ATF7IP2: variants seen among roughly 807,000 people sequenced by gnomAD.
The protein encoded by ATF7IP2 is activating transcription factor 7 interacting protein 2, also known as activating transcription factor 7-interacting protein 2.
ATF7IP2 carries 42 observed loss-of-function variants against 64.2 expected under a neutral mutation model. That is an observed-to-expected ratio of 0.65 (90% CI 0.51 to 0.85). ATF7IP2 has a LOEUF of 0.85. Among genes scored for constraint, ATF7IP2 ranks in the 40% least tolerant of loss-of-function variants. ATF7IP2 has a pLI of 0.00. For missense variants in ATF7IP2, 933 were observed against 784.2 expected, an observed-to-expected ratio of 1.19 and a Z score of -2.27; for synonymous variants, 308 against 272.8, an observed-to-expected ratio of 1.13 and a Z score of -1.27.
intron 6 of ATF7IP2, among the ~76,000 whole-genome samples, chr16:10,434,476 A>G (rs1031431289): frequency 2.0e-5 from 3 of 152,344 alleles, no homozygotes; most frequent in Non-Finnish European, 4.4e-5. Flanking sequence ...TTTTTAAAAC[A>G]GACCATTACA....
intron 8 of ATF7IP2, among the ~76,000 whole-genome samples, chr16:10,455,390 C>T (rs2049131738): frequency 6.6e-6 from 1 of 152,220 alleles, no homozygotes; most frequent in African/African-American, 2.4e-5. Context: ...TCCAGAAACG[C>T]AGGCAGCCTC....
intron 6 of ATF7IP2, among the ~76,000 whole-genome samples, chr16:10,434,976 G>A (rs2048372838): frequency 6.6e-6 from 1 of 152,076 alleles, no homozygotes; most frequent in Non-Finnish European, 1.5e-5. Context: ...TACCATGTTG[G>A]CCAGGCTGGT....
At chr16:10,403,745 C>G (rs953744073) in intron 1 of ATF7IP2, among the ~76,000 whole-genome samples, 2 of 151,874 alleles carry the variant, frequency 1.3e-5, no homozygotes, top group African/African-American at 2.4e-5. Flanking sequence ...AGAAATTTAC[C>G]AAGGAAATAG....
intron 9 of ATF7IP2, among the ~76,000 whole-genome samples, chr16:10,458,389 G>A (rs151065608): frequency 2.0e-5 from 3 of 152,360 alleles, no homozygotes; most frequent in African/African-American, 7.2e-5. Flanking sequence ...AAAAGTGCTA[G>A]TGATGGAAGT....
At chr16:10,461,470 A>G in intron 9 of ATF7IP2, among the ~76,000 whole-genome samples, 1 of 152,130 alleles carries the variant, frequency 6.6e-6, no homozygotes, top group East Asian at 1.9e-4. Flanking sequence ...TACAGTTGAA[A>G]AAGAAATTAC....
chr16:10,392,348 T>G (rs1302796584), intron 1 of ATF7IP2, among the ~76,000 whole-genome samples: 1 of 151,640 alleles, frequency 6.6e-6, no homozygotes, highest in Admixed American at 6.6e-5. Flanking sequence ...CTTTTTTTTT[T>G]TTTTTTAAAC....
chr16:10,439,989 C>T (rs887437487), intron 7 of ATF7IP2, among the ~76,000 whole-genome samples: 4 of 151,552 alleles, frequency 2.6e-5, no homozygotes, highest in African/African-American at 7.3e-5. Context: ...GGAGAAACCC[C>T]GTCACTACTA....
At chr16:10,445,731 TC>T (rs769884927) in intron 8 of ATF7IP2, 4 of 152,296 alleles carry the variant, frequency 2.6e-5, no homozygotes, top group Non-Finnish European at 5.9e-5. Flanking sequence ...GGTCTCGAAC[TC>T]CCGACCTCAG....
chr16:10,447,952 C>T (rs143359955), intron 8 of ATF7IP2: 8 of 152,076 alleles, frequency 5.3e-5, no homozygotes, highest in Non-Finnish European at 7.4e-5. Context: ...TTTTGTATAA[C>T]GTGTAAGGAA....
chr16:10,413,105 G>T (rs564762059), intron 1 of ATF7IP2, among the ~76,000 whole-genome samples: 1 of 152,052 alleles, frequency 6.6e-6, no homozygotes, highest in Admixed American at 6.6e-5. Context: ...TTGTGAATTC[G>T]TATCCATTCT....
chr16:10,453,164 G>A (rs1343123223), intron 8 of ATF7IP2, among the ~76,000 whole-genome samples: 2 of 152,162 alleles, frequency 1.3e-5, no homozygotes, highest in African/African-American at 2.4e-5. Flanking sequence ...CTAACTCAGT[G>A]TCTGCCCTAA....
Position 10,481,828 on chromosome 16 carries a change from G to A in ATF7IP2, c.1636-8G>A. The A allele has an allele frequency of 6.4e-7, 1 of 1,558,392 alleles. No individual in the cohort carries two copies. Among genetic ancestry groups the A allele is most frequent in the Non-Finnish European group, 8.6e-7 (1 of 1,158,626 alleles). Reference sequence around the variant, plus strand: ...AAAAGCTATATTTTCTTACAATTGTGTTTTTAGGTTCCTGAGTCCTTTGAG... The same window carrying A: ...AAAAGCTATATTTTCTTACAATTGTATTTTTAGGTTCCTGAGTCCTTTGAG... On this transcript the variant is annotated splice_region_variant and splice_polypyrimidine_tract_variant and intron_variant, in intron 13 of 13. Transcript: ENST00000562102.
intron 8 of ATF7IP2, among the ~76,000 whole-genome samples, chr16:10,441,060 G>C (rs913347443): frequency 6.6e-6 from 1 of 152,176 alleles, no homozygotes; most frequent in Non-Finnish European, 1.5e-5. Flanking sequence ...CTTCATCCAT[G>C]TCGCTGCAAA....
At chr16:10,393,748 T>A (rs970012032) in intron 1 of ATF7IP2, among the ~76,000 whole-genome samples, 1 of 152,192 alleles carries the variant, frequency 6.6e-6, no homozygotes, top group African/African-American at 2.4e-5. Context: ...AGCATCTGTA[T>A]GTCAATAGTA....
chr16:10,400,003 G>A (rs936458882), intron 1 of ATF7IP2, among the ~76,000 whole-genome samples: 1 of 152,068 alleles, frequency 6.6e-6, no homozygotes, highest in African/African-American at 2.4e-5. Flanking sequence ...TGTTATTGGT[G>A]TATAGAAATG....
chr16:10,423,574 AT>A (rs2048028385), intron 3 of ATF7IP2, among the ~76,000 whole-genome samples: 1 of 152,158 alleles, frequency 6.6e-6, no homozygotes, highest in Admixed American at 6.5e-5. Flanking sequence ...TTACTGGGGC[AT>A]CTACTTTTCA....
At chr16:10,446,864 G>C (rs925866063) in intron 8 of ATF7IP2, 10 of 152,112 alleles carry the variant, frequency 6.6e-5, no homozygotes, top group African/African-American at 2.4e-4. Flanking sequence ...ACTATTGGAA[G>C]TTTGTGTGAG....
chr16:10,481,854 C>G lies in ATF7IP2; in HGVS notation c.1654C>G (p.His552Asp), dbSNP rs772824096. The change falls in exon 14 of 14, where the codon CAC (histidine) becomes GAC (aspartate). Residue 552 changes from histidine (H) to aspartate (D), a missense_variant. His to Asp is a moderately conservative substitution (Grantham distance 81). Coordinates refer to ENST00000562102, the MANE Select transcript of ATF7IP2 (RefSeq NM_001393719.1). Reference sequence around the variant, plus strand: ...TTTTTAGGTTCCTGAGTCCTTTGAGCACCTGCCACCTCTCCCAGAACCACC... The same window carrying G: ...TTTTTAGGTTCCTGAGTCCTTTGAGGACCTGCCACCTCTCCCAGAACCACC... ...NAVQVPESFE[H>D]LPPLPEPPAP... The G allele has an allele frequency of 6.3e-7, 1 of 1,591,690 alleles. No individual in the cohort carries two copies. Among genetic ancestry groups the G allele is most frequent in the South Asian group, 1.2e-5 (1 of 86,506 alleles).
chr16:10,395,109 A>T (rs2047397315), intron 1 of ATF7IP2, among the ~76,000 whole-genome samples: 1 of 152,130 alleles, frequency 6.6e-6, no homozygotes, highest in Admixed American at 6.5e-5. Context: ...GACTCAAATT[A>T]CTAAAATCAG....
Sources: gnomAD v4.1 joint callset for allele counts (sites outside exome capture counted in the v4.1 genomes callset) on GRCh38, gnomAD v4.1.1 for gene constraint, MANE v1.5 for transcripts, NCBI Gene and HGNC (gene_info 2026-07-23, HGNC 2026-07-21) for gene names.